DIAPH3: variants seen among roughly 807,000 people sequenced by gnomAD.
DIAPH3 encodes the protein protein diaphanous homolog 3.
Under a neutral mutation model 144.3 loss-of-function variants are expected in DIAPH3, and 117 were observed. The ratio of observed to expected loss-of-function variants is 0.81; its 90% confidence interval spans 0.70 to 0.95. DIAPH3 has a LOEUF of 0.95. Ranked by LOEUF, DIAPH3 falls within the 40% of genes least tolerant of loss-of-function variation. DIAPH3 has a pLI of 0.00. For synonymous variants in DIAPH3, 519 were observed against 488.9 expected (o/e 1.06, Z -0.81); for missense variants, 1,421 against 1,412.7 (o/e 1.01, Z -0.09).
At chr13:60,136,077 C>T (rs2059265518) in intron 1 of DIAPH3, among the ~76,000 whole-genome samples, 2 of 151,892 alleles carry the variant, frequency 1.3e-5, no homozygotes, top group African/African-American at 4.8e-5. Flanking sequence ...TAGAAATTGC[C>T]AAGAAGAGGG....
chr13:60,142,559 C>G (rs1247451078), intron 1 of DIAPH3, among the ~76,000 whole-genome samples: 2 of 152,112 alleles, frequency 1.3e-5, no homozygotes, highest in East Asian at 1.9e-4. Flanking sequence ...AGGAGTCCCC[C>G]CAAGAGGTCT....
intron 27 of DIAPH3, among the ~76,000 whole-genome samples, chr13:59,709,911 A>G (rs1252427011): frequency 6.6e-6 from 1 of 152,076 alleles, no homozygotes; most frequent in East Asian, 1.9e-4. Flanking sequence ...AATACTATGC[A>G]GCCATAAAAA....
intron 7 of DIAPH3, among the ~76,000 whole-genome samples, chr13:60,012,272 G>A (rs897449325): frequency 6.6e-6 from 1 of 152,140 alleles, no homozygotes; most frequent in East Asian, 1.9e-4. Context: ...AGAAACACAG[G>A]AACAATGGAG....
intron 17 of DIAPH3, among the ~76,000 whole-genome samples, chr13:59,953,757 G>A (rs1179578891): frequency 6.6e-6 from 1 of 152,174 alleles, no homozygotes; most frequent in Non-Finnish European, 1.5e-5. Flanking sequence ...AGACTGAGAA[G>A]TCCCTTTTCT....
At chr13:60,103,488 A>G (rs2058330980) in intron 3 of DIAPH3, among the ~76,000 whole-genome samples, 1 of 152,214 alleles carries the variant, frequency 6.6e-6, no homozygotes, top group South Asian at 2.1e-4. Flanking sequence ...CCAAAAAGGA[A>G]AAACACTACA....
intron 5 of DIAPH3, among the ~76,000 whole-genome samples, chr13:60,036,122 T>C (rs2055189873): frequency 6.6e-6 from 1 of 152,234 alleles, no homozygotes; most frequent in Non-Finnish European, 1.5e-5. Flanking sequence ...ATCACTCTTC[T>C]ATTCCCTTGG....
intron 21 of DIAPH3, among the ~76,000 whole-genome samples, chr13:59,871,198 G>C (rs1000176456): frequency 2.7e-4 from 38 of 141,256 alleles, no homozygotes; most frequent in African/African-American, 6.8e-4. Context: ...TTTTTTTTGG[G>C]GGGGGGGGTG....
At chr13:60,093,523 C>A in intron 4 of DIAPH3, 105 bp downstream of exon 4, 1 of 732,430 alleles carries the variant, frequency 1.4e-6, no homozygotes, top group African/African-American at 1.7e-5. Context: ...CAGAAGCCCT[C>A]TGATTACAGT....
intron 5 of DIAPH3, among the ~76,000 whole-genome samples, chr13:60,016,443 A>G (rs73214504): frequency 6.6e-6 from 1 of 152,086 alleles, no homozygotes; most frequent in Non-Finnish European, 1.5e-5. Context: ...CCACAGTGAA[A>G]GTATTCACAC....
At chr13:59,718,884 T>C (rs1197765120) in intron 27 of DIAPH3, among the ~76,000 whole-genome samples, 1 of 152,092 alleles carries the variant, frequency 6.6e-6, no homozygotes, top group Admixed American at 6.6e-5. Context: ...ATACTTCAAA[T>C]TCATATATTT....
intron 27 of DIAPH3, among the ~76,000 whole-genome samples, chr13:59,720,938 G>C (rs2035312404): frequency 6.6e-6 from 1 of 152,060 alleles, no homozygotes; most frequent in African/African-American, 2.4e-5. Context: ...GTGGGGTGGA[G>C]GCTGCTGTTA....
At chr13:59,903,772 T>C (rs1369677187) in intron 20 of DIAPH3, among the ~76,000 whole-genome samples, 2 of 152,222 alleles carry the variant, frequency 1.3e-5, no homozygotes, top group Non-Finnish European at 2.9e-5. Context: ...GTTTTCATTT[T>C]ATTGTTCTTG....
chr13:59,678,561 G>C (rs2032767191), intron 27 of DIAPH3, among the ~76,000 whole-genome samples: 1 of 152,086 alleles, frequency 6.6e-6, no homozygotes, highest in Non-Finnish European at 1.5e-5. Flanking sequence ...TGCTTAGACT[G>C]CTAGATCTGT....
At chr13:59,998,051 T>C (rs1347657407) in intron 9 of DIAPH3, among the ~76,000 whole-genome samples, 2 of 152,088 alleles carry the variant, frequency 1.3e-5, no homozygotes, top group Non-Finnish European at 2.9e-5. Context: ...AATTTCACAT[T>C]TATCAAGTTA....
At chr13:59,851,621 AT>A (rs1190697074) in intron 22 of DIAPH3, among the ~76,000 whole-genome samples, 2 of 150,948 alleles carry the variant, frequency 1.3e-5, no homozygotes, top group Non-Finnish European at 2.9e-5. Context: ...TGATTCAACA[AT>A]GAATAGATGA....
rs1001258282 is a variant in DIAPH3 at position 59,983,219 on chromosome 13, A to C, written c.1480+550T>G. On this transcript the variant is annotated intron_variant, in intron 13 of 27. Transcript: ENST00000400324. ...CATTCCAAGTTTAAAAAAAAAAAAA[A>C]AAAGGCTTCGGGGGGGACAGGCAAT... Among the ~76,000 whole-genome samples the C allele has an allele frequency of 4.6e-5, 7 of 150,844 alleles. No individual in the cohort carries two copies. The Admixed American group carries it at 4.6e-4, about 10-fold the overall frequency.
chr13:59,768,676 A>G (rs1260823205), intron 27 of DIAPH3, among the ~76,000 whole-genome samples: 1 of 152,156 alleles, frequency 6.6e-6, no homozygotes, highest in East Asian at 1.9e-4. Flanking sequence ...ATTCAAAGAT[A>G]TCTAACCAGC....
intron 27 of DIAPH3, among the ~76,000 whole-genome samples, chr13:59,733,247 A>G (rs1399922678): frequency 6.6e-6 from 1 of 152,222 alleles, no homozygotes; most frequent in Non-Finnish European, 1.5e-5. Flanking sequence ...AGATAAGCAC[A>G]TTAATGAATA....
intron 27 of DIAPH3, among the ~76,000 whole-genome samples, chr13:59,730,413 G>C (rs897255105): frequency 1.3e-5 from 2 of 152,108 alleles, no homozygotes; most frequent in Non-Finnish European, 2.9e-5. Context: ...GACTACACAA[G>C]GGCAAACAAA....
Sources: allele counts gnomAD v4.1 joint callset (sites outside exome capture counted in the v4.1 genomes callset), GRCh38; gene constraint gnomAD v4.1.1; transcripts MANE v1.5; gene names NCBI Gene and HGNC (gene_info 2026-07-23, HGNC 2026-07-21).